The following NSMCE2 variants were observed in gnomAD, a reference collection of about 807,000 sequenced individuals.
The protein encoded by NSMCE2 is NSE2 SUMO ligase component of SMC5/6 complex, also known as E3 SUMO-protein ligase NSE2.
Under a neutral mutation model 23.8 loss-of-function variants are expected in NSMCE2, and 24 were observed. That is an observed-to-expected ratio of 1.01 (90% CI 0.73 to 1.42). The LOEUF is 1.42. NSMCE2 is among the 40% of genes most tolerant of loss of function. The probability of loss-of-function intolerance (pLI) is 0.00; values close to 1 mark genes in which losing one functional copy is unlikely to be tolerated. For missense variants in NSMCE2, 284 were observed against 296.5 expected (o/e 0.96, Z 0.31); for synonymous variants, 92 against 94.1 (o/e 0.98, Z 0.13).
At chr8:125,330,750 G>A (rs924254562) in intron 5 of NSMCE2, among the ~76,000 whole-genome samples, 1 of 152,148 alleles carries the variant, frequency 6.6e-6, no homozygotes. Flanking sequence ...AGTGGGAAAC[G>A]CCAGAGGCTT....
At chr8:125,331,781 GTT>G (rs1199774157) in intron 5 of NSMCE2, among the ~76,000 whole-genome samples, 2 of 152,158 alleles carry the variant, frequency 1.3e-5, no homozygotes, top group Non-Finnish European at 2.9e-5. Context: ...CAACGGTAAA[GTT>G]TCAGCGTATA....
At chr8:125,168,324 A>G (rs1822000194) in intron 4 of NSMCE2, among the ~76,000 whole-genome samples, 1 of 152,200 alleles carries the variant, frequency 6.6e-6, no homozygotes, top group Non-Finnish European at 1.5e-5. Flanking sequence ...GTGAGAAAGG[A>G]AACACTGGGA....
intron 5 of NSMCE2, among the ~76,000 whole-genome samples, chr8:125,202,169 C>T (rs1211110381): frequency 6.6e-6 from 1 of 152,224 alleles, no homozygotes; most frequent in Non-Finnish European, 1.5e-5. Flanking sequence ...CCTTGCGCTT[C>T]CTTCGTGAGG....
At chr8:125,356,133 G>T (rs7822592) in intron 5 of NSMCE2, among the ~76,000 whole-genome samples, 5 of 151,674 alleles carry the variant, frequency 3.3e-5, no homozygotes, top group Non-Finnish European at 5.9e-5. Context: ...GAATGCATAC[G>T]CAGATATCCA....
At chr8:125,212,715 AT>A (rs1563722572) in intron 5 of NSMCE2, among the ~76,000 whole-genome samples, 1 of 152,200 alleles carries the variant, frequency 6.6e-6, no homozygotes, top group African/African-American at 2.4e-5. Flanking sequence ...TTAAGATAAC[AT>A]TTTTTAAATG....
chr8:125,184,472 A>C (rs1169506374), intron 5 of NSMCE2, among the ~76,000 whole-genome samples: 2 of 152,154 alleles, frequency 1.3e-5, no homozygotes, highest in East Asian at 3.8e-4. Context: ...ATACTTCCTT[A>C]TAAAGTTTCC....
intron 5 of NSMCE2, among the ~76,000 whole-genome samples, chr8:125,246,641 A>C (rs74343026): frequency 0.071 from 10,801 of 152,200 alleles, 415 homozygotes; most frequent in African/African-American, 0.093. Flanking sequence ...AAGGAACACA[A>C]ATGTCCTATG....
chr8:125,254,783 ATGGAAGCAGTT>A (rs1269915593), intron 5 of NSMCE2, among the ~76,000 whole-genome samples: 2 of 152,138 alleles, frequency 1.3e-5, no homozygotes, highest in African/African-American at 2.4e-5. Flanking sequence ...GTGACGTTCT[ATGGAAGCAGTT>A]TGGTCCGGGA....
At chr8:125,348,561 G>C (rs1310198753) in intron 5 of NSMCE2, 1 of 152,122 alleles carries the variant, frequency 6.6e-6, no homozygotes, top group Non-Finnish European at 1.5e-5. Flanking sequence ...CCCACGTGTT[G>C]TGAGAGGGCC....
intron 5 of NSMCE2, among the ~76,000 whole-genome samples, chr8:125,204,294 C>T (rs1428479470): frequency 6.6e-6 from 1 of 152,178 alleles, no homozygotes; most frequent in Admixed American, 6.5e-5. Context: ...GTGTGGCTGC[C>T]TGTTTGTTGG....
chr8:125,139,365 A>G (rs1206407829), intron 3 of NSMCE2, among the ~76,000 whole-genome samples: 2 of 152,194 alleles, frequency 1.3e-5, no homozygotes, highest in Non-Finnish European at 2.9e-5. Context: ...TTTGTTTAGC[A>G]TCACTCTTTT....
At chr8:125,337,306 T>C (rs1453766499) in intron 5 of NSMCE2, among the ~76,000 whole-genome samples, 1 of 152,206 alleles carries the variant, frequency 6.6e-6, no homozygotes, top group Non-Finnish European at 1.5e-5. Context: ...CTATGACAGG[T>C]CTGAACATAA....
chr8:125,250,777 A>G (rs1826171429), intron 5 of NSMCE2, among the ~76,000 whole-genome samples: 1 of 152,008 alleles, frequency 6.6e-6, no homozygotes, highest in South Asian at 2.1e-4. Flanking sequence ...CAGCCTCCCA[A>G]GTAGCTGGGA....
rs572208495 is a variant in NSMCE2, at chr8:125,190,900, C to T, written c.418+8644C>T. ...ATGATTATTTTTTGAGATGGAGTTT[C>T]GCTCTTATTGCCCAGGTTGGAGTGC... On this transcript the variant is annotated intron_variant, in intron 5 of 7. Coordinates refer to ENST00000287437, the MANE Select transcript of NSMCE2 (RefSeq NM_173685.4). Among the ~76,000 whole-genome samples the T allele has an allele frequency of 1.3e-4, 20 of 152,188 alleles. No homozygotes were observed. The South Asian group carries it at 2.1e-3, about 16-fold the overall frequency.
intron 5 of NSMCE2, among the ~76,000 whole-genome samples, chr8:125,197,423 C>A (rs1341371992): frequency 6.6e-6 from 1 of 152,146 alleles, no homozygotes; most frequent in Non-Finnish European, 1.5e-5. Flanking sequence ...TATGACTAGC[C>A]AGTTTTCCCA....
At chr8:125,193,579 G>T (rs1339384478) in intron 5 of NSMCE2, among the ~76,000 whole-genome samples, 1 of 152,060 alleles carries the variant, frequency 6.6e-6, no homozygotes. Flanking sequence ...TCTATAAAGA[G>T]TCTATATAGT....
intron 5 of NSMCE2, among the ~76,000 whole-genome samples, chr8:125,328,444 C>T (rs1187378263): frequency 6.6e-6 from 1 of 152,094 alleles, no homozygotes; most frequent in Non-Finnish European, 1.5e-5. Flanking sequence ...CTGAGCACCT[C>T]GAGGGCCTGG....
chr8:125,091,894 A>G lies in NSMCE2; in HGVS notation c.-175A>G, dbSNP rs1442185214. ...CAGCGGCAGGCGAAGGGGGCTGAGG[A>G]AAGGAGGTGGGTCTAGGCAGGGGAA... On this transcript the variant is annotated 5_prime_UTR_variant, in exon 1 of 8. Transcript: ENST00000287437. 6.6e-6 allele frequency: 1 copy of G among 152,390 alleles called. No individual in the cohort carries two copies. The highest frequency in any genetic ancestry group is 2.4e-5 in the African/African-American group (1 of 41,466). The allele number at this position is 152,390 out of a possible 1,614,324, so 9.4% of individuals were successfully genotyped here.
intron 5 of NSMCE2, among the ~76,000 whole-genome samples, chr8:125,230,703 GT>G (rs35658963): frequency 0.15 from 22,528 of 152,124 alleles, 2,169 homozygotes; most frequent in Non-Finnish European, 0.21. Flanking sequence ...TGGATAAAAG[GT>G]ACAAAGAAAT....
Sources: gnomAD v4.1 joint callset for allele counts (sites outside exome capture counted in the v4.1 genomes callset) on GRCh38, gnomAD v4.1.1 for gene constraint, MANE v1.5 for transcripts, NCBI Gene and HGNC (gene_info 2026-07-23, HGNC 2026-07-21) for gene names.